Variants in RBM41 observed in about 807,000 individuals in gnomAD.
RBM41 encodes RNA-binding protein 41.
Under a neutral mutation model 30.8 loss-of-function variants are expected in RBM41, and 14 were observed. That is an observed-to-expected ratio of 0.45 (90% CI 0.30 to 0.71). RBM41 has a LOEUF of 0.71. RBM41 is among the 30% of genes least tolerant of loss of function. The pLI, the probability that RBM41 is intolerant of heterozygous loss-of-function variation, is 0.08. For missense variants in RBM41, 276 were observed against 326.3 expected (o/e 0.85, Z 1.19); for synonymous variants, 120 against 110.1 (o/e 1.09, Z -0.56).
At chrX:107,106,721 G>T (rs1924029906) in intron 5 of RBM41, among the ~76,000 whole-genome samples, 2 of 110,493 alleles carry the variant, frequency 1.8e-5, no homozygotes. Flanking sequence ...CCTTTGTAGG[G>T]ACATGGATGA....
chrX:107,083,652 G>T (rs1275756636), intron 6 of RBM41, among the ~76,000 whole-genome samples: 1 of 110,129 alleles, frequency 9.1e-6, no homozygotes, highest in Admixed American at 9.7e-5. Context: ...CAACCTTACT[G>T]ATTCCTTCCT....
intron 6 of RBM41, among the ~76,000 whole-genome samples, chrX:107,083,840 T>C (rs1602569690): frequency 9.0e-6 from 1 of 111,018 alleles, no homozygotes; most frequent in East Asian, 2.8e-4. Flanking sequence ...TTAATCGTGG[T>C]TATTTTAAAT....
chrX:107,082,136 T>C (rs1297540725), intron 6 of RBM41, among the ~76,000 whole-genome samples: 1 of 111,745 alleles, frequency 8.9e-6, no homozygotes, highest in African/African-American at 3.2e-5. Flanking sequence ...AAGTATAATG[T>C]TAGCTGTAGG....
chrX:107,054,652 G>C, the RBM41 span, among the ~76,000 whole-genome samples: 257 of 111,936 alleles, frequency 2.3e-3, 1 homozygote, highest in African/African-American at 8.1e-3. Flanking sequence ...CTTGCTTTAG[G>C]GTTTTGGGAT....
chrX:107,097,332 T>C (rs1330311527), intron 5 of RBM41, among the ~76,000 whole-genome samples: 1 of 111,977 alleles, frequency 8.9e-6, no homozygotes, highest in Admixed American at 9.4e-5. Flanking sequence ...GGTATATCTA[T>C]TGACATGGTT....
At chrX:107,085,656 C>T (rs1201354244) in intron 6 of RBM41, among the ~76,000 whole-genome samples, 1 of 111,875 alleles carries the variant, frequency 8.9e-6, no homozygotes, top group Non-Finnish European at 1.9e-5. Context: ...ATTTATTTTG[C>T]ATTTTATTGA....
intron 4 of RBM41, 106 bp from the exon 5 acceptor site, chrX:107,113,574 T>C: frequency 1.1e-6 from 1 of 902,535 alleles, no homozygotes; most frequent in Non-Finnish European, 1.4e-6. Flanking sequence ...GTGATTTACA[T>C]GTATTCTCTC....
chrX:107,070,519 A>G (rs1300190518), intron 6 of RBM41: 1 of 243,426 alleles, frequency 4.1e-6, no homozygotes, highest in Non-Finnish European at 7.6e-6. Context: ...CTCAAAGTCA[A>G]CAAGTGCCAT....
At position 107,115,443 on chromosome X, in the gene RBM41, G is replaced by A. The variant is rs1279545242; in HGVS notation, c.432C>T (p.Ser144=). ...ILCLPQRFAK[S]KQLTRREMEI... ...CCATTTCTCGCCGGGTCAGCTGTTT[G>A]CTCTTTGCAAATCTCTGTGGCAGGC... Residue 144 remains serine, a synonymous_variant, in exon 4 of 8, where the codon AGC becomes AGT. Coordinates refer to ENST00000685964, the MANE Select transcript of RBM41 (RefSeq NM_001324242.2). 8.3e-7 allele frequency: 1 copy of A among 1,211,679 alleles called. No individual in the cohort carries two copies. The highest frequency in any genetic ancestry group is 3.0e-5 in the East Asian group (1 of 33,825).
Position 107,115,855 on chromosome X carries a change from CA to C in RBM41, c.318+6del, listed in dbSNP as rs1465061265. ...AAACCAACAAAAAAAAACATTACCC[CA>C]CTCACCTTTTCACCAGAAACATGGC... On this transcript the variant is annotated splice_donor_region_variant and intron_variant, in intron 3 of 7. Coordinates refer to ENST00000685964, the MANE Select transcript of RBM41 (RefSeq NM_001324242.2). 8.5e-7 allele frequency: 1 copy of C among 1,171,347 alleles called. No individual in the cohort carries two copies. The highest frequency in any genetic ancestry group is 1.1e-6 in the Non-Finnish European group (1 of 874,879).
intron 5 of RBM41, among the ~76,000 whole-genome samples, chrX:107,106,603 A>G (rs1924016272): frequency 9.0e-6 from 1 of 111,616 alleles, no homozygotes; most frequent in African/African-American, 3.3e-5. Context: ...ACAATAGCAA[A>G]GACTTGGAAC....
intron 6 of RBM41, among the ~76,000 whole-genome samples, chrX:107,073,408 C>G (rs1463608961): frequency 8.9e-6 from 1 of 112,011 alleles, no homozygotes; most frequent in Non-Finnish European, 1.9e-5. Flanking sequence ...CACTAATCAT[C>G]AGGAAAATGC....
At chrX:107,104,952 T>A (rs1209842167) in intron 5 of RBM41, among the ~76,000 whole-genome samples, 1 of 110,599 alleles carries the variant, frequency 9.0e-6, no homozygotes, top group Non-Finnish European at 1.9e-5. Flanking sequence ...CTTTGAAAAC[T>A]GGCACAAGAC....
chrX:107,069,544 T>A (rs1935969259), intron 6 of RBM41, 142 bp from the exon 7 acceptor site: 1 of 634,048 alleles, frequency 1.6e-6, no homozygotes, highest in African/African-American at 2.3e-5. Flanking sequence ...AACCTTGGCC[T>A]CCCAGGCTCA....
At chrX:107,109,167 A>G (rs1924250619) in intron 5 of RBM41, among the ~76,000 whole-genome samples, 1 of 111,294 alleles carries the variant, frequency 9.0e-6, no homozygotes, top group South Asian at 3.7e-4. Context: ...AACATAAAAG[A>G]AGGAATAAAT....
At chrX:107,103,352 A>G (rs1923623617) in intron 5 of RBM41, among the ~76,000 whole-genome samples, 1 of 111,265 alleles carries the variant, frequency 9.0e-6, no homozygotes, top group African/African-American at 3.3e-5. Context: ...CTGTGAAAAC[A>G]CAGATACATG....
intron 6 of RBM41, among the ~76,000 whole-genome samples, chrX:107,081,220 AT>A (rs35998161): frequency 5.6e-5 from 6 of 106,889 alleles, no homozygotes; most frequent in African/African-American, 1.7e-4. Context: ...ATCTAGATTC[AT>A]TTTTTTTTTA....
chrX:107,065,504 C>A lies in RBM41; in HGVS notation c.*2023G>T. ...AACCCTATTCCTATATAAACCCATC[C>A]CCCGCTTTGTGGTATTATTGTTATA... On this transcript the variant is annotated 3_prime_UTR_variant, in exon 8 of 8. Transcript: ENST00000685964. 4.0e-6 allele frequency: 1 copy of A among 249,371 alleles called. No homozygotes were observed. The highest frequency in any genetic ancestry group is 7.0e-6 in the Non-Finnish European group (1 of 141,857). The allele number at this position is 249,371 out of a possible 1,213,427, so 20.6% of individuals were successfully genotyped here.
At chrX:107,080,004 G>C (rs1370284681) in intron 6 of RBM41, among the ~76,000 whole-genome samples, 1 of 111,629 alleles carries the variant, frequency 9.0e-6, no homozygotes. Context: ...ATCTGCCACA[G>C]GTGAATGTAT....
Sources: gnomAD v4.1 joint callset for allele counts (sites outside exome capture counted in the v4.1 genomes callset) on GRCh38, gnomAD v4.1.1 for gene constraint, MANE v1.5 for transcripts, NCBI Gene and HGNC (gene_info 2026-07-23, HGNC 2026-07-21) for gene names.